Variants in RARB observed in about 807,000 individuals in gnomAD.
The protein encoded by RARB is retinoic acid receptor beta.
RARB carries 17 observed loss-of-function variants against 51.9 expected under a neutral mutation model. That is an observed-to-expected ratio of 0.33 (90% confidence interval 0.22 to 0.49). The LOEUF (loss-of-function observed/expected upper bound fraction) is 0.49, where lower values mean the gene tolerates loss of function less well. RARB is among the 20% of genes least tolerant of loss of function. The pLI, the probability that RARB is intolerant of heterozygous loss-of-function variation, is 0.99. For missense variants in RARB, 369 were observed against 550.8 expected, an observed-to-expected ratio of 0.67 and a Z score of 3.30; for synonymous variants, 215 against 195.4, an observed-to-expected ratio of 1.10 and a Z score of -0.84.
chr3:25,280,265 C>T (rs1036402954), intron 5 of RARB, among the ~76,000 whole-genome samples: 1 of 152,140 alleles, frequency 6.6e-6, no homozygotes, highest in African/African-American at 2.4e-5. Flanking sequence ...TTCTCTGACC[C>T]TGTGTCTCCA....
At chr3:25,265,440 AC>A (rs771552536) in intron 5 of RARB, among the ~76,000 whole-genome samples, 12 of 152,178 alleles carry the variant, frequency 7.9e-5, no homozygotes, top group Non-Finnish European at 1.0e-4. Flanking sequence ...CTACAAAAAA[AC>A]AACCACAAAT....
intron 5 of RARB, among the ~76,000 whole-genome samples, chr3:25,585,405 C>T (rs1283853453): frequency 2.0e-5 from 3 of 152,158 alleles, no homozygotes; most frequent in Non-Finnish European, 2.9e-5. Flanking sequence ...ATTGCTTTTG[C>T]AAAATAGAAA....
intron 5 of RARB, among the ~76,000 whole-genome samples, chr3:25,362,517 G>T (rs60917922): frequency 0.046 from 6,996 of 152,240 alleles, 171 homozygotes; most frequent in Middle Eastern, 0.068. Context: ...GCGCCACAGG[G>T]GTATGGAAAA....
At chr3:25,128,454 T>G (rs1389054427) in intron 3 of RARB, among the ~76,000 whole-genome samples, 1 of 148,666 alleles carries the variant, frequency 6.7e-6, no homozygotes, top group Non-Finnish European at 1.5e-5. Context: ...ATTTATATAT[T>G]TCTAGTATAC....
chr3:25,537,738 C>T (rs1442921318), intron 3 of RARB, among the ~76,000 whole-genome samples: 1 of 152,142 alleles, frequency 6.6e-6, no homozygotes, highest in Non-Finnish European at 1.5e-5. Context: ...GAGCAGAATC[C>T]CTCAGTTCAT....
At chr3:25,517,284 A>G (rs1387450250) in intron 3 of RARB, among the ~76,000 whole-genome samples, 1 of 152,220 alleles carries the variant, frequency 6.6e-6, no homozygotes, top group African/African-American at 2.4e-5. Context: ...GAAAAAAATG[A>G]CAACTCAACA....
intron 2 of RARB, among the ~76,000 whole-genome samples, chr3:25,487,265 G>C (rs1346079307): frequency 6.6e-6 from 1 of 152,182 alleles, no homozygotes; most frequent in African/African-American, 2.4e-5. Flanking sequence ...TCCACTAAAT[G>C]GGTTACTTTG....
At chr3:25,182,346 G>C (rs1700878824) in intron 5 of RARB, among the ~76,000 whole-genome samples, 1 of 152,202 alleles carries the variant, frequency 6.6e-6, no homozygotes, top group Non-Finnish European at 1.5e-5. Context: ...AATTATGCCA[G>C]CCATGGGGTA....
At chr3:25,534,351 A>G (rs1459286121) in intron 3 of RARB, among the ~76,000 whole-genome samples, 1 of 152,248 alleles carries the variant, frequency 6.6e-6, no homozygotes, top group African/African-American at 2.4e-5. Flanking sequence ...TAAGTACTAC[A>G]TTCAATAAAT....
rs929659280 is a variant in RARB at position 25,233,883 on chromosome 3, T to C, written c.178+59308T>C. Among the ~76,000 whole-genome samples the C allele has an allele frequency of 4.6e-5, 7 of 152,050 alleles. No individual in the cohort carries two copies. The East Asian group carries it at 9.7e-4, about 21-fold the overall frequency. Reference sequence around the variant, plus strand: ...TCTGTTAATGCCATCATTAACTTCATTGATTTTTGAATGTTGAGCTATCCT... The same window carrying C: ...TCTGTTAATGCCATCATTAACTTCACTGATTTTTGAATGTTGAGCTATCCT... On this transcript the variant is annotated intron_variant, in intron 5 of 11. Transcript: ENST00000383772.
At chr3:25,580,403 TA>T (rs570461880) in intron 4 of RARB, 142 bp from the exon 5 acceptor site, 283 of 745,862 alleles carry the variant, frequency 3.8e-4, no homozygotes, top group South Asian at 7.3e-4. Flanking sequence ...GAATCCAGGC[TA>T]AAAAAAATGT....
At chr3:24,879,484 ATTTTTTTTT>A (rs11417502) in intron 2 of RARB, among the ~76,000 whole-genome samples, 1 of 121,474 alleles carries the variant, frequency 8.2e-6, no homozygotes, top group Non-Finnish European at 1.6e-5. Flanking sequence ...AAGGATCTCC[ATTTTTTTTT>A]TTTTTTTTTT....
At chr3:25,182,415 C>G (rs1700880287) in intron 5 of RARB, among the ~76,000 whole-genome samples, 1 of 152,138 alleles carries the variant, frequency 6.6e-6, no homozygotes, top group Admixed American at 6.6e-5. Context: ...AGGAAAGTTT[C>G]CTGTCTTGGA....
intron 2 of RARB, among the ~76,000 whole-genome samples, chr3:24,988,955 A>C (rs1696853262): frequency 6.6e-6 from 1 of 152,114 alleles, no homozygotes; most frequent in South Asian, 2.1e-4. Context: ...CTTCCTGAGT[A>C]GCTGGGATTA....
intron 5 of RARB, among the ~76,000 whole-genome samples, chr3:25,376,254 G>T (rs1706456689): frequency 6.6e-6 from 1 of 152,150 alleles, no homozygotes. Flanking sequence ...CTACCTGGAA[G>T]CCCTTATTAA....
chr3:24,968,909 T>A (rs541683935), intron 2 of RARB, among the ~76,000 whole-genome samples: 1 of 152,118 alleles, frequency 6.6e-6, no homozygotes, highest in African/African-American at 2.4e-5. Context: ...CAGATTCATA[T>A]AAATCAATTC....
At chr3:25,393,016 G>T (rs1332595104) in intron 5 of RARB, among the ~76,000 whole-genome samples, 9 of 152,054 alleles carry the variant, frequency 5.9e-5, no homozygotes, top group Admixed American at 5.2e-4. Context: ...TATAATGTTG[G>T]CTGTGGGTTT....
intron 5 of RARB, among the ~76,000 whole-genome samples, chr3:25,193,275 T>C (rs776291078): frequency 3.3e-5 from 5 of 152,032 alleles, no homozygotes; most frequent in Non-Finnish European, 5.9e-5. Flanking sequence ...AAAGAGAAAA[T>C]TGTATTCTCA....
chr3:25,067,003 C>T (rs560603671), intron 3 of RARB, among the ~76,000 whole-genome samples: 1 of 152,104 alleles, frequency 6.6e-6, no homozygotes, highest in Non-Finnish European at 1.5e-5. Context: ...AAACAGTGAA[C>T]TACTACTACA....
Sources: gnomAD v4.1 joint callset for allele counts (sites outside exome capture counted in the v4.1 genomes callset) on GRCh38, gnomAD v4.1.1 for gene constraint, MANE v1.5 for transcripts, NCBI Gene and HGNC (gene_info 2026-07-23, HGNC 2026-07-21) for gene names.